Variants in ELMO1 observed in about 807,000 individuals in gnomAD.
ELMO1 encodes engulfment and cell motility protein 1.
In ELMO1, 26 loss-of-function variants were observed where a neutral mutation model predicts 98.9. The ratio of observed to expected loss-of-function variants is 0.26; its 90% CI spans 0.19 to 0.36. The LOEUF (loss-of-function observed/expected upper bound fraction) is 0.36, where lower values mean the gene tolerates loss of function less well. Among genes scored for constraint, ELMO1 ranks in the 10% least tolerant of loss-of-function variants. The pLI, the probability that ELMO1 is intolerant of heterozygous loss-of-function variation, is 1.00. For synonymous variants in ELMO1, 346 were observed against 346.0 expected, an observed-to-expected ratio of 1.00 and a Z score of 0.00; for missense variants, 627 against 935.2, an observed-to-expected ratio of 0.67 and a Z score of 4.30.
chr7:37,193,236 G>A (rs1182130024), intron 13 of ELMO1, among the ~76,000 whole-genome samples: 1 of 151,888 alleles, frequency 6.6e-6, no homozygotes, highest in East Asian at 1.9e-4. Flanking sequence ...CTTGGTGAGG[G>A]GGGAGGCTCA....
intron 1 of ELMO1, among the ~76,000 whole-genome samples, chr7:37,370,095 C>T (rs1321765759): frequency 3.9e-5 from 6 of 152,330 alleles, no homozygotes; most frequent in East Asian, 1.9e-4. Flanking sequence ...CAGGACACCA[C>T]GCCCAGTCAG....
chr7:37,241,562 T>C (rs755225131), intron 7 of ELMO1, among the ~76,000 whole-genome samples: 1 of 152,208 alleles, frequency 6.6e-6, no homozygotes, highest in Non-Finnish European at 1.5e-5. Flanking sequence ...GTCTTAACTA[T>C]ATTTTATTCT....
intron 4 of ELMO1, among the ~76,000 whole-genome samples, chr7:37,295,068 G>A (rs549254835): frequency 2.6e-5 from 4 of 151,788 alleles, no homozygotes; most frequent in Admixed American, 6.6e-5. Flanking sequence ...GTTACCTAGA[G>A]TAGGATATCA....
At chr7:36,953,066 C>T (rs950931555) in intron 16 of ELMO1, among the ~76,000 whole-genome samples, 13 of 149,380 alleles carry the variant, frequency 8.7e-5, no homozygotes, top group African/African-American at 3.2e-4. Flanking sequence ...CCCGGGTTCA[C>T]GCCATTCTCC....
chr7:37,391,916 C>A (rs548682102), intron 1 of ELMO1, among the ~76,000 whole-genome samples: 1 of 152,160 alleles, frequency 6.6e-6, no homozygotes, highest in Admixed American at 6.5e-5. Context: ...TGTGTGTACC[C>A]CCCTAAGAAA....
At chr7:37,151,423 G>T (rs548965548) in intron 13 of ELMO1, among the ~76,000 whole-genome samples, 1 of 152,116 alleles carries the variant, frequency 6.6e-6, no homozygotes, top group African/African-American at 2.4e-5. Context: ...GCCGGCTCCC[G>T]GTGGTCCCCT....
intron 6 of ELMO1, among the ~76,000 whole-genome samples, chr7:37,247,086 T>C (rs1219069818): frequency 6.6e-6 from 1 of 152,198 alleles, no homozygotes; most frequent in Admixed American, 6.5e-5. Context: ...TTTTAACACA[T>C]ATTTGTATAT....
rs191671421 is a variant in ELMO1, at chr7:37,181,118, A to G, written c.1086+30268T>C. 2.0e-4 allele frequency among the ~76,000 whole-genome samples: 30 copies of G among 152,344 alleles called. 1 individual carries two copies. Among genetic ancestry groups the G allele is most frequent in the South Asian group, 2.1e-4 (1 of 4,832 alleles). Reference sequence around the variant, plus strand: ...TTACCTCAGTAAGAATAAAAATAATAACGACAGTCCCAAGAGACTCTCCAT... The same window carrying G: ...TTACCTCAGTAAGAATAAAAATAATGACGACAGTCCCAAGAGACTCTCCAT... On this transcript the variant is annotated intron_variant, in intron 13 of 21. Transcript: ENST00000310758.
chr7:37,134,033 T>G (rs1787101879), intron 13 of ELMO1, among the ~76,000 whole-genome samples: 1 of 152,082 alleles, frequency 6.6e-6, no homozygotes, highest in Admixed American at 6.6e-5. Flanking sequence ...ACGTCAGTAA[T>G]CATCAGAGAA....
chr7:36,898,838 C>T (rs1336039008), intron 16 of ELMO1, among the ~76,000 whole-genome samples: 2 of 152,186 alleles, frequency 1.3e-5, no homozygotes, highest in Non-Finnish European at 2.9e-5. Flanking sequence ...GAGCTCTCAG[C>T]CTGGGACAGT....
intron 6 of ELMO1, among the ~76,000 whole-genome samples, chr7:37,255,941 A>T (rs897359535): frequency 6.6e-6 from 1 of 152,196 alleles, no homozygotes; most frequent in African/African-American, 2.4e-5. Context: ...AGGTACATGA[A>T]GTAATCCAGT....
At position 37,399,858 on chromosome 7, in the gene ELMO1, C is replaced by T. The variant is rs112313205; in HGVS notation, c.-74+48817G>A. Among the ~76,000 whole-genome samples the T allele has an allele frequency of 7.7e-3, 1,180 of 152,306 alleles. 21 individuals carry two copies. Among genetic ancestry groups the T allele is most frequent in the African/African-American group, 0.027 (1,118 of 41,544 alleles). ...CCCGCTCCACACACGGCATAAACCTCCTTCTCCCAGGATTGTTGTGAGGAT... is the reference window on the plus strand; with the variant it reads ...CCCGCTCCACACACGGCATAAACCTTCTTCTCCCAGGATTGTTGTGAGGAT... On this transcript the variant is annotated intron_variant, in intron 1 of 21. Coordinates refer to ENST00000310758, the MANE Select transcript of ELMO1 (RefSeq NM_014800.11).
At chr7:37,040,307 C>T (rs1795431478) in intron 15 of ELMO1, among the ~76,000 whole-genome samples, 1 of 152,014 alleles carries the variant, frequency 6.6e-6, no homozygotes, top group Non-Finnish European at 1.5e-5. Context: ...CCTGATTACC[C>T]CCAGGGGTAA....
intron 17 of ELMO1, among the ~76,000 whole-genome samples, chr7:36,894,518 A>G (rs1805822464): frequency 6.6e-6 from 1 of 152,224 alleles, no homozygotes; most frequent in Non-Finnish European, 1.5e-5. Flanking sequence ...GGGCACCCAC[A>G]TGAAATATAG....
At position 37,081,763 on chromosome 7, in the gene ELMO1, C is replaced by T. The variant is rs374254039; in HGVS notation, c.1300+14856G>A. On this transcript the variant is annotated intron_variant, in intron 15 of 21. Transcript: ENST00000310758. The stretch of plus-strand genomic sequence containing the variant: ...TTATAAATTACCCAGTCACAGGTAT[C>T]AGCAGCATGAAAATGGACTAATACG... 1.8e-3 allele frequency among the ~76,000 whole-genome samples: 276 copies of T among 152,246 alleles called. 1 individual carries two copies. The highest frequency in any genetic ancestry group is 5.1e-3 in the African/African-American group (211 of 41,536).
At chr7:37,079,642 T>C (rs1244517871) in intron 15 of ELMO1, among the ~76,000 whole-genome samples, 1 of 152,146 alleles carries the variant, frequency 6.6e-6, no homozygotes, top group Non-Finnish European at 1.5e-5. Flanking sequence ...TCCACCTTAC[T>C]AAAAATCAAT....
At chr7:36,938,468 C>T (rs1007399253) in intron 16 of ELMO1, among the ~76,000 whole-genome samples, 3 of 152,144 alleles carry the variant, frequency 2.0e-5, no homozygotes, top group African/African-American at 7.2e-5. Flanking sequence ...CAGATGATGT[C>T]TTTTTGGCAT....
intron 18 of ELMO1, among the ~76,000 whole-genome samples, chr7:36,883,116 TA>T (rs1429286891): frequency 1.3e-5 from 2 of 152,176 alleles, no homozygotes; most frequent in South Asian, 4.1e-4. Context: ...ACGTAAGATA[TA>T]CCAGCCTTGT....
chr7:37,292,430 C>T (rs1209306723), intron 4 of ELMO1, among the ~76,000 whole-genome samples: 1 of 56,910 alleles, frequency 1.8e-5, no homozygotes, highest in African/African-American at 4.1e-5. Context: ...TGTGAGGAGC[C>T]CCTCTGCCTG....
Sources: allele counts gnomAD v4.1 joint callset (sites outside exome capture counted in the v4.1 genomes callset), GRCh38; gene constraint gnomAD v4.1.1; transcripts MANE v1.5; gene names NCBI Gene and HGNC (gene_info 2026-07-23, HGNC 2026-07-21).